LRRC3B: variants seen among roughly 807,000 people sequenced by gnomAD.
LRRC3B encodes the protein leucine-rich repeat-containing protein 3B.
In LRRC3B, 2 loss-of-function variants were observed where a neutral mutation model predicts 12.8. The observed-to-expected ratio is 0.16, with a 90% CI of 0.06 to 0.49. LRRC3B has a LOEUF of 0.49. Among genes scored for constraint, LRRC3B ranks in the 20% least tolerant of loss-of-function variants. The pLI is 0.96. For missense variants in LRRC3B, 189 were observed against 319.4 expected (o/e 0.59, Z 3.11); for synonymous variants, 132 against 122.0 (o/e 1.08, Z -0.54).
At chr3:26,666,902 G>T (rs1317645664) in intron 1 of LRRC3B, among the ~76,000 whole-genome samples, 4 of 152,002 alleles carry the variant, frequency 2.6e-5, no homozygotes, top group African/African-American at 9.7e-5. Context: ...AGAAATTGTT[G>T]GTTCTAATAG....
intron 1 of LRRC3B, among the ~76,000 whole-genome samples, chr3:26,680,860 T>G (rs1040301288): frequency 1.3e-5 from 2 of 152,242 alleles, no homozygotes; most frequent in Non-Finnish European, 2.9e-5. Flanking sequence ...TCCAAATATT[T>G]CAGAAAAGCA....
intron 1 of LRRC3B, among the ~76,000 whole-genome samples, chr3:26,685,635 C>CTATATATATATATATA (rs1320563737): frequency 9.6e-6 from 1 of 103,982 alleles, no homozygotes. Context: ...ATATATATAT[C>CTATATATATATATATA]TATATACCTC....
At chr3:26,686,554 A>G (rs920498245) in intron 1 of LRRC3B, among the ~76,000 whole-genome samples, 2 of 152,200 alleles carry the variant, frequency 1.3e-5, no homozygotes, top group African/African-American at 2.4e-5. Flanking sequence ...GATGTGTTAC[A>G]TAACTTCTTG....
chr3:26,698,889 A>ACATT (rs1428174908), intron 1 of LRRC3B, among the ~76,000 whole-genome samples: 11 of 152,262 alleles, frequency 7.2e-5, no homozygotes, highest in African/African-American at 2.6e-4. Context: ...CATACAGTAT[A>ACATT]CATTCAAATT....
At chr3:26,632,979 A>G (rs1355200557) in intron 1 of LRRC3B, among the ~76,000 whole-genome samples, 1 of 152,096 alleles carries the variant, frequency 6.6e-6, no homozygotes, top group Non-Finnish European at 1.5e-5. Flanking sequence ...TTACACCACT[A>G]TTTATACTAC....
intron 1 of LRRC3B, among the ~76,000 whole-genome samples, chr3:26,653,579 GA>G (rs5847412): frequency 0.43 from 64,223 of 148,502 alleles, 15,807 homozygotes; most frequent in African/African-American, 0.69. Context: ...AGAACTCACA[GA>G]AAAAAAAAAA....
At chr3:26,640,948 G>C (rs1454929625) in intron 1 of LRRC3B, among the ~76,000 whole-genome samples, 1 of 152,196 alleles carries the variant, frequency 6.6e-6, no homozygotes, top group Non-Finnish European at 1.5e-5. Flanking sequence ...GGGAAGCAGA[G>C]TCCTTATGAA....
chr3:26,622,897 C>A (rs1698544363), exon 1 of LRRC3B: 1 of 152,210 alleles, frequency 6.6e-6, no homozygotes, highest in Middle Eastern at 3.4e-3. Context: ...GCGCCTGGAG[C>A]AGGGTCTGCA....
chr3:26,636,545 G>C (rs954719973), intron 1 of LRRC3B, among the ~76,000 whole-genome samples: 1 of 152,066 alleles, frequency 6.6e-6, no homozygotes, highest in African/African-American at 2.4e-5. Flanking sequence ...AACAGTTGGC[G>C]TGCCAGTTGT....
chr3:26,655,083 A>G (rs6769536), intron 1 of LRRC3B, among the ~76,000 whole-genome samples: 1 of 152,022 alleles, frequency 6.6e-6, no homozygotes, highest in African/African-American at 2.4e-5. Flanking sequence ...CTGTCTGTCC[A>G]TGAACATTTA....
chr3:26,651,442 CTGTG>C (rs1699262782), intron 1 of LRRC3B, among the ~76,000 whole-genome samples: 1 of 152,066 alleles, frequency 6.6e-6, no homozygotes, highest in African/African-American at 2.4e-5. Context: ...TGGTGTGTAC[CTGTG>C]TGTATCTGTG....
intron 1 of LRRC3B, among the ~76,000 whole-genome samples, chr3:26,675,970 CT>C (rs75491444): frequency 0.12 from 16,262 of 135,946 alleles, 1,057 homozygotes; most frequent in South Asian, 0.23. Flanking sequence ...AAGCCCCTTT[CT>C]TTTTTTTTTT....
intron 1 of LRRC3B, among the ~76,000 whole-genome samples, chr3:26,649,801 C>A (rs1175078900): frequency 6.6e-6 from 1 of 152,168 alleles, no homozygotes; most frequent in Non-Finnish European, 1.5e-5. Flanking sequence ...TGGGCCCGTT[C>A]TTCTCCTAAG....
chr3:26,706,021 T>C (rs1002123979), intron 1 of LRRC3B, among the ~76,000 whole-genome samples: 5 of 152,148 alleles, frequency 3.3e-5, no homozygotes. Flanking sequence ...AGAAATTTAT[T>C]TCTTACAGTT....
intron 1 of LRRC3B, among the ~76,000 whole-genome samples, chr3:26,702,025 A>T (rs1700468359): frequency 6.6e-6 from 1 of 152,192 alleles, no homozygotes; most frequent in African/African-American, 2.4e-5. Context: ...CTGTGTTATA[A>T]TGAAATGAGA....
chr3:26,685,613 G>GTATATATATATA (rs1295308629), intron 1 of LRRC3B, among the ~76,000 whole-genome samples: 1 of 116,734 alleles, frequency 8.6e-6, no homozygotes, highest in Non-Finnish European at 1.6e-5. Flanking sequence ...ATATGTGTGT[G>GTATATATATATA]TGTATATATA....
At chr3:26,672,929 A>T (rs911822457) in intron 1 of LRRC3B, among the ~76,000 whole-genome samples, 4 of 152,198 alleles carry the variant, frequency 2.6e-5, no homozygotes, top group African/African-American at 4.8e-5. Context: ...ACTTTGAGAG[A>T]ACAGCACTTC....
intron 1 of LRRC3B, among the ~76,000 whole-genome samples, chr3:26,635,305 TG>T (rs1698842754): frequency 6.6e-6 from 1 of 152,194 alleles, no homozygotes; most frequent in Admixed American, 6.5e-5. Flanking sequence ...CTTGGTCTAC[TG>T]AACTAATATT....
At chr3:26,672,616 T>TA (rs1360063542) in intron 1 of LRRC3B, among the ~76,000 whole-genome samples, 15 of 152,208 alleles carry the variant, frequency 9.9e-5, no homozygotes, top group African/African-American at 3.4e-4. Context: ...TTTTTATTGT[T>TA]AAACGTAAAA....
Sources: allele counts gnomAD v4.1 joint callset (sites outside exome capture counted in the v4.1 genomes callset), GRCh38; gene constraint gnomAD v4.1.1; transcripts MANE v1.5; gene names NCBI Gene and HGNC (gene_info 2026-07-23, HGNC 2026-07-21).